EPHA7: variants seen among roughly 807,000 people sequenced by gnomAD.
EPHA7 encodes ephrin type-A receptor 7.
Under a neutral mutation model 112.6 loss-of-function variants are expected in EPHA7, and 25 were observed. The observed-to-expected ratio is 0.22, with a 90% CI of 0.16 to 0.31. The LOEUF (loss-of-function observed/expected upper bound fraction) is 0.31. Among genes scored for constraint, EPHA7 ranks in the 10% least tolerant of loss-of-function variants. EPHA7 has a pLI of 1.00. For missense variants in EPHA7, 962 were observed against 1,212.6 expected (o/e 0.79, Z 3.07); for synonymous variants, 437 against 406.5 (o/e 1.07, Z -0.90).
chr6:93,378,232 G>A (rs927153029), intron 3 of EPHA7, among the ~76,000 whole-genome samples: 19 of 151,984 alleles, frequency 1.3e-4, no homozygotes, highest in Non-Finnish European at 8.8e-5. Context: ...GTGGAAGAGA[G>A]GCAAAGGTCA....
chr6:93,240,762 C>T lies in EPHA7; in HGVS notation c.*2664G>A. ...CTAATTTATTTAAAAAAAAAGATTT[C>T]AAGGTGCAAGTTGTACATTCTTATC... On this transcript the variant is annotated 3_prime_UTR_variant, in exon 17 of 17. Coordinates refer to ENST00000369303, the MANE Select transcript of EPHA7 (RefSeq NM_004440.4). 4.7e-6 allele frequency: 1 copy of T among 212,732 alleles called. No homozygotes were observed. 13.2% of individuals were successfully genotyped at this position (212,732 alleles called of 1,614,324 possible).
intron 5 of EPHA7, among the ~76,000 whole-genome samples, chr6:93,279,765 TGAC>T (rs1327617370): frequency 6.6e-6 from 1 of 152,174 alleles, no homozygotes; most frequent in East Asian, 1.9e-4. Context: ...GTAGCTCAGC[TGAC>T]GTTTTTTTCT....
chr6:93,373,193 C>A (rs1046775894), intron 3 of EPHA7, among the ~76,000 whole-genome samples: 4 of 151,754 alleles, frequency 2.6e-5, no homozygotes, highest in African/African-American at 9.7e-5. Flanking sequence ...ACCACTAGTT[C>A]TCTTTATATT....
At chr6:93,267,099 G>C (rs1770979021) in intron 7 of EPHA7, among the ~76,000 whole-genome samples, 1 of 151,708 alleles carries the variant, frequency 6.6e-6, no homozygotes, top group Non-Finnish European at 1.5e-5. Flanking sequence ...AAATGTTTGT[G>C]TGTTCTTGTG....
intron 5 of EPHA7, among the ~76,000 whole-genome samples, chr6:93,299,328 A>T (rs1364217283): frequency 2.6e-5 from 4 of 151,582 alleles, no homozygotes; most frequent in Admixed American, 1.3e-4. Flanking sequence ...TCCGTCTCAA[A>T]AAAATAAAAT....
chr6:93,293,058 T>G (rs1210993797), intron 5 of EPHA7, among the ~76,000 whole-genome samples: 1 of 152,022 alleles, frequency 6.6e-6, no homozygotes, highest in Admixed American at 6.6e-5. Context: ...AATGATAAAT[T>G]CTTTTTTCTA....
intron 3 of EPHA7, among the ~76,000 whole-genome samples, chr6:93,382,781 CT>C (rs1777403724): frequency 6.6e-6 from 1 of 152,086 alleles, no homozygotes; most frequent in African/African-American, 2.4e-5. Flanking sequence ...GTCCTTCCAG[CT>C]TTTTCTACCA....
At chr6:93,290,369 G>A (rs1159974562) in intron 5 of EPHA7, among the ~76,000 whole-genome samples, 2 of 152,012 alleles carry the variant, frequency 1.3e-5, no homozygotes, top group Middle Eastern at 3.5e-3. Context: ...AAACTGTATT[G>A]GCTCATATTC....
chr6:93,362,676 G>A (rs945889032), intron 3 of EPHA7, among the ~76,000 whole-genome samples: 1 of 152,078 alleles, frequency 6.6e-6, no homozygotes, highest in Non-Finnish European at 1.5e-5. Context: ...GCATTATGCA[G>A]TCAGTGGACC....
chr6:93,389,737 A>G (rs142990740), intron 3 of EPHA7, among the ~76,000 whole-genome samples: 1 of 152,158 alleles, frequency 6.6e-6, no homozygotes, highest in East Asian at 1.9e-4. Context: ...TCAACTAGAA[A>G]TTAAAAAGAT....
intron 5 of EPHA7, among the ~76,000 whole-genome samples, chr6:93,292,475 T>C (rs933485303): frequency 4.6e-5 from 7 of 152,110 alleles, no homozygotes; most frequent in Admixed American, 4.6e-4. Context: ...AATGCAGCAT[T>C]CTTATTTGTA....
intron 5 of EPHA7, among the ~76,000 whole-genome samples, chr6:93,306,274 C>T (rs1773254482): frequency 6.6e-6 from 1 of 151,906 alleles, no homozygotes; most frequent in Non-Finnish European, 1.5e-5. Context: ...CATTTTATCT[C>T]ACTTAATATG....
intron 3 of EPHA7, among the ~76,000 whole-genome samples, chr6:93,387,924 C>CAGACAGAT (rs1310430859): frequency 0.028 from 4,085 of 145,626 alleles, 90 homozygotes; most frequent in African/African-American, 0.066. Flanking sequence ...GATAGATAGA[C>CAGACAGAT]AGATAGATAG....
At chr6:93,334,449 A>C (rs980887519) in intron 5 of EPHA7, among the ~76,000 whole-genome samples, 6 of 152,070 alleles carry the variant, frequency 3.9e-5, no homozygotes, top group Non-Finnish European at 8.8e-5. Flanking sequence ...GAGAGTAAAC[A>C]GACAACCTAC....
At chr6:93,416,030 G>T (rs912269498) in intron 1 of EPHA7, among the ~76,000 whole-genome samples, 28 of 151,716 alleles carry the variant, frequency 1.8e-4, no homozygotes, top group African/African-American at 6.3e-4. Context: ...TTTTTGTTTT[G>T]TTGTTGTTGT....
At chr6:93,249,714 A>G (rs998505359) in intron 14 of EPHA7, among the ~76,000 whole-genome samples, 2 of 152,146 alleles carry the variant, frequency 1.3e-5, no homozygotes, top group Admixed American at 1.3e-4. Flanking sequence ...GAAAGGAACA[A>G]TGTAAGTCGA....
chr6:93,345,341 A>T (rs1296583347), intron 5 of EPHA7, among the ~76,000 whole-genome samples: 1 of 151,760 alleles, frequency 6.6e-6, no homozygotes, highest in Non-Finnish European at 1.5e-5. Flanking sequence ...CACGCTATGG[A>T]TAATTAAGAA....
intron 3 of EPHA7, among the ~76,000 whole-genome samples, chr6:93,373,703 C>T (rs1776913644): frequency 1.3e-5 from 2 of 151,568 alleles, no homozygotes; most frequent in South Asian, 4.1e-4. Flanking sequence ...ATCTCCAAAG[C>T]TATTTCTGTA....
At chr6:93,376,918 T>G (rs986099681) in intron 3 of EPHA7, among the ~76,000 whole-genome samples, 3 of 152,200 alleles carry the variant, frequency 2.0e-5, no homozygotes, top group African/African-American at 7.2e-5. Flanking sequence ...CGTTCCGCAT[T>G]CCTGGAAGTA....
Sources: allele counts gnomAD v4.1 joint callset (sites outside exome capture counted in the v4.1 genomes callset), GRCh38; gene constraint gnomAD v4.1.1; transcripts MANE v1.5; gene names NCBI Gene and HGNC (gene_info 2026-07-23, HGNC 2026-07-21).